MTUS2: variants seen among roughly 807,000 people sequenced by gnomAD.
MTUS2 encodes microtubule-associated tumor suppressor candidate 2.
A neutral mutation model predicts 114.1 loss-of-function variants in MTUS2; 40 were observed. That is an observed-to-expected ratio of 0.35 (90% confidence interval 0.27 to 0.46). The LOEUF is 0.46. Among genes scored for constraint, MTUS2 ranks in the 20% least tolerant of loss-of-function variants. The probability of loss-of-function intolerance (pLI) is 1.00; values close to 1 mark genes in which losing one functional copy is unlikely to be tolerated. For synonymous variants in MTUS2, 688 were observed against 672.0 expected (o/e 1.02, Z -0.37); for missense variants, 1,679 against 1,705.4 (o/e 0.98, Z 0.27).
At chr13:29,072,981 G>A (rs984301285) in intron 4 of MTUS2, among the ~76,000 whole-genome samples, 1 of 152,046 alleles carries the variant, frequency 6.6e-6, no homozygotes, top group Non-Finnish European at 1.5e-5. Flanking sequence ...TCTGTTGGTA[G>A]CACTTTGTCA....
chr13:28,903,429 A>C (rs541099232), intron 2 of MTUS2, among the ~76,000 whole-genome samples: 1 of 100,520 alleles, frequency 9.9e-6, no homozygotes, highest in Non-Finnish European at 1.9e-5. Flanking sequence ...CCACCCCACA[A>C]CAGGCCCTGG....
chr13:29,064,397 T>G (rs1237586668), intron 4 of MTUS2, among the ~76,000 whole-genome samples: 1 of 140,054 alleles, frequency 7.1e-6, no homozygotes, highest in Non-Finnish European at 1.5e-5. Context: ...GAGGTTTTTT[T>G]TTTTTTTTTT....
chr13:29,454,845 C>A (rs1423794273), intron 9 of MTUS2, among the ~76,000 whole-genome samples: 1 of 152,212 alleles, frequency 6.6e-6, no homozygotes, highest in East Asian at 1.9e-4. Context: ...CTATTAGAAT[C>A]ACCTGGAAGC....
At chr13:29,315,646 G>A (rs373332638) in intron 6 of MTUS2, among the ~76,000 whole-genome samples, 4 of 152,102 alleles carry the variant, frequency 2.6e-5, no homozygotes, top group African/African-American at 9.7e-5. Flanking sequence ...AGCTAGGGTT[G>A]GGTTCTGCAG....
intron 8 of MTUS2, among the ~76,000 whole-genome samples, chr13:29,364,573 G>C (rs1000478947): frequency 6.6e-6 from 1 of 152,180 alleles, no homozygotes; most frequent in African/African-American, 2.4e-5. Context: ...TTAAAGGGCA[G>C]GAGAGAAGAG....
intron 8 of MTUS2, among the ~76,000 whole-genome samples, chr13:29,371,224 C>G (rs548386105): frequency 6.7e-5 from 10 of 148,166 alleles, no homozygotes; most frequent in South Asian, 4.4e-4. Flanking sequence ...AACCACCCCC[C>G]CCCCCTTTTT....
chr13:29,316,563 A>G (rs903296054), intron 6 of MTUS2, among the ~76,000 whole-genome samples: 1 of 152,154 alleles, frequency 6.6e-6, no homozygotes, highest in Admixed American at 6.5e-5. Flanking sequence ...AAATGGAATC[A>G]GACTCTACTT....
chr13:29,352,350 A>G (rs9508402), intron 7 of MTUS2, among the ~76,000 whole-genome samples: 28,589 of 152,190 alleles, frequency 0.19, 2,845 homozygotes, highest in Middle Eastern at 0.23. Flanking sequence ...AGCAGAGACC[A>G]TATTTTAAAG....
intron 4 of MTUS2, among the ~76,000 whole-genome samples, chr13:29,078,107 T>G (rs1565995905): frequency 2.7e-5 from 4 of 146,722 alleles, no homozygotes; most frequent in Admixed American, 1.4e-4. Flanking sequence ...ATCTTTTTTT[T>G]GGGCAAAATC....
In MTUS2 at chr13:29,211,297, G is replaced by A. The variant is rs557821909; in HGVS notation, c.2645-70407G>A. 3.9e-5 allele frequency among the ~76,000 whole-genome samples: 6 copies of A among 152,364 alleles called. No homozygotes were observed. In the East Asian group the frequency reaches 1.2e-3, roughly 29 times the overall value. On this transcript the variant is annotated intron_variant, in intron 5 of 15. Coordinates refer to ENST00000612955, the MANE Select transcript of MTUS2 (RefSeq NM_001033602.4). ...GCCTTACCCAATGCCCATACAGCCA[G>A]CAAGGCCAGTCTCACTCCCACCATG...
intron 5 of MTUS2, among the ~76,000 whole-genome samples, chr13:29,190,363 A>G (rs1312272328): frequency 6.6e-6 from 1 of 152,250 alleles, no homozygotes; most frequent in African/African-American, 2.4e-5. Context: ...GAGATGGGAA[A>G]CTGAGGCAAA....
intron 2 of MTUS2, among the ~76,000 whole-genome samples, chr13:28,930,424 C>T (rs1332092980): frequency 6.6e-6 from 1 of 152,276 alleles, no homozygotes; most frequent in Admixed American, 6.5e-5. Flanking sequence ...TGCCTGTCTT[C>T]CTCTGTTCCA....
chr13:29,341,987 A>G (rs148274347), intron 7 of MTUS2, among the ~76,000 whole-genome samples: 5 of 152,042 alleles, frequency 3.3e-5, no homozygotes, highest in South Asian at 4.2e-4. Context: ...TCTCGGTTCT[A>G]TATTCTGTTC....
intron 8 of MTUS2, among the ~76,000 whole-genome samples, chr13:29,412,320 G>T (rs575012937): frequency 1.3e-5 from 2 of 152,266 alleles, no homozygotes; most frequent in African/African-American, 4.8e-5. Context: ...TTTTGTTGAA[G>T]ACTTTGTCAG....
intron 2 of MTUS2, among the ~76,000 whole-genome samples, chr13:28,938,552 G>A (rs1250829584): frequency 6.7e-6 from 1 of 148,334 alleles, no homozygotes; most frequent in African/African-American, 2.5e-5. Context: ...AGGGGTTATA[G>A]TCTGGAGGAA....
chr13:29,388,959 G>A (rs1393411471), intron 8 of MTUS2, among the ~76,000 whole-genome samples: 1 of 151,752 alleles, frequency 6.6e-6, no homozygotes, highest in Non-Finnish European at 1.5e-5. Flanking sequence ...CTTGCCCCCA[G>A]CAGTATTTCC....
chr13:29,447,545 G>A (rs1029366898), intron 9 of MTUS2, among the ~76,000 whole-genome samples: 1 of 151,652 alleles, frequency 6.6e-6, no homozygotes, highest in Non-Finnish European at 1.5e-5. Context: ...GGAAATCAGG[G>A]TGACTTAAGT....
At chr13:28,956,137 A>G (rs547121263) in intron 2 of MTUS2, among the ~76,000 whole-genome samples, 6 of 144,126 alleles carry the variant, frequency 4.2e-5, no homozygotes, top group Admixed American at 1.5e-4. Context: ...TAGCTCCCAC[A>G]TACCAGTGAG....
intron 2 of MTUS2, among the ~76,000 whole-genome samples, chr13:28,896,497 A>G (rs547567338): frequency 3.5e-4 from 53 of 152,376 alleles, no homozygotes; most frequent in Admixed American, 6.5e-4. Context: ...TATAGATTCA[A>G]TGCCATCCCC....
Sources: gnomAD v4.1 joint callset for allele counts (sites outside exome capture counted in the v4.1 genomes callset) on GRCh38, gnomAD v4.1.1 for gene constraint, MANE v1.5 for transcripts, NCBI Gene and HGNC (gene_info 2026-07-23, HGNC 2026-07-21) for gene names.